RAD54B: variants seen among roughly 807,000 people sequenced by gnomAD.
The protein encoded by RAD54B is RAD54 homolog B, also known as DNA repair and recombination protein RAD54B.
In RAD54B, 78 loss-of-function variants were observed where a neutral mutation model predicts 95.8. The observed-to-expected ratio is 0.81, with a 90% CI of 0.68 to 0.98. The LOEUF (loss-of-function observed/expected upper bound fraction) is 0.98, where lower values mean the gene tolerates loss of function less well. Among genes scored for constraint, RAD54B ranks in the 50% least tolerant of loss-of-function variants. The pLI, the probability that RAD54B is intolerant of heterozygous loss-of-function variation, is 0.00. For missense variants in RAD54B, 957 were observed against 1,056.6 expected (o/e 0.91, Z 1.31); for synonymous variants, 328 against 354.9 (o/e 0.92, Z 0.85).
At chr8:94,372,418 T>C (rs1236498642) in intron 14 of RAD54B, 31 bp from the exon 15 acceptor site, 1 of 1,606,646 alleles carries the variant, frequency 6.2e-7, no homozygotes, top group Non-Finnish European at 8.5e-7. Context: ...AGAAAATCCT[T>C]AGGCAAGCCA....
chr8:94,381,550 A>T (rs1810741469), intron 11 of RAD54B, among the ~76,000 whole-genome samples: 1 of 152,248 alleles, frequency 6.6e-6, no homozygotes, highest in African/African-American at 2.4e-5. Flanking sequence ...AAAATAATTT[A>T]TGTCCTCAAA....
Position 94,399,576 on chromosome 8 carries a change from G to T in RAD54B, c.1216C>A (p.Leu406Ile). ...AGTAACATTTCATAACTGATAATAAGAACAGAATAAAATATAGACTTGATG... is the reference window on the plus strand; with the variant it reads ...AGTAACATTTCATAACTGATAATAATAACAGAATAAAATATAGACTTGATG... ...EFIKSIFYSVLIISYEMLLRS... is the reference protein window; with the variant it reads ...EFIKSIFYSVIIISYEMLLRS... Residue 406 changes from leucine to isoleucine, a missense_variant, in exon 8 of 15, where the codon CTT becomes ATT. Transcript: ENST00000336148. 6.2e-7 allele frequency: 1 copy of T among 1,612,382 alleles called. No individual in the cohort carries two copies. Among genetic ancestry groups the T allele is most frequent in the Non-Finnish European group, 8.5e-7 (1 of 1,179,264 alleles).
At chr8:94,416,312 A>G (rs1486831328) in intron 3 of RAD54B, among the ~76,000 whole-genome samples, 1 of 152,020 alleles carries the variant, frequency 6.6e-6, no homozygotes, top group Non-Finnish European at 1.5e-5. Flanking sequence ...TGGGAATTGA[A>G]CAATGAGAAC....
At chr8:94,384,150 T>TA (rs959591967) in intron 11 of RAD54B, among the ~76,000 whole-genome samples, 6 of 150,618 alleles carry the variant, frequency 4.0e-5, no homozygotes, top group East Asian at 3.9e-4. Flanking sequence ...ATCTATAAAT[T>TA]AAAAAAAAAG....
chr8:94,426,265 T>TA (rs551332612), intron 3 of RAD54B, among the ~76,000 whole-genome samples: 18,233 of 133,712 alleles, frequency 0.14, 1,915 homozygotes, highest in East Asian at 0.34. Flanking sequence ...TTGCAAAAAT[T>TA]AAAAAAAAAA....
At chr8:94,436,851 T>A in intron 3 of RAD54B, 1 of 1,531,914 alleles carries the variant, frequency 6.5e-7, no homozygotes, top group Non-Finnish European at 8.8e-7. Flanking sequence ...AATTGGAAGA[T>A]CTAGCCTTTC....
chr8:94,464,049 AATTGTGGTAT>A (rs1288116484), intron 2 of RAD54B, among the ~76,000 whole-genome samples: 110 of 152,244 alleles, frequency 7.2e-4, no homozygotes, highest in African/African-American at 2.5e-3. Flanking sequence ...TAGATATATA[AATTGTGGTAT>A]ATTAAAACAA....
chr8:94,423,681 G>A (rs183393572), intron 3 of RAD54B, among the ~76,000 whole-genome samples: 117 of 152,238 alleles, frequency 7.7e-4, no homozygotes, highest in African/African-American at 2.5e-3. Context: ...TACCAAGCCC[G>A]ATCTTCCCAG....
At position 94,471,295 on chromosome 8, in the gene RAD54B, G is replaced by A. The variant is rs950580429; in HGVS notation, c.-17+3706C>T. Among the ~76,000 whole-genome samples, 4 of 151,860 alleles carry A rather than the reference G, an allele frequency of 2.6e-5. No individual in the cohort carries two copies. The East Asian group carries it at 5.8e-4, about 22-fold the overall frequency. ...GGGGGGGGCAGTACTTTAAAAAAATGTTTAATGACAAGAGAAATATGTTTT... is the reference window on the plus strand; with the variant it reads ...GGGGGGGGCAGTACTTTAAAAAAATATTTAATGACAAGAGAAATATGTTTT... On this transcript the variant is annotated intron_variant, in intron 1 of 14. Coordinates refer to ENST00000336148, the MANE Select transcript of RAD54B (RefSeq NM_012415.3).
intron 14 of RAD54B, among the ~76,000 whole-genome samples, chr8:94,372,708 C>A (rs892940961): frequency 1.3e-4 from 20 of 152,078 alleles, no homozygotes; most frequent in African/African-American, 3.6e-4. Context: ...TTCCTAAAAC[C>A]TGTGGGGCCA....
At chr8:94,410,761 T>C (rs1451585160) in intron 4 of RAD54B, among the ~76,000 whole-genome samples, 1 of 152,150 alleles carries the variant, frequency 6.6e-6, no homozygotes, top group Non-Finnish European at 1.5e-5. Context: ...TATCAACATA[T>C]TTTTCAATTT....
At chr8:94,415,041 A>T (rs1388243285) in intron 3 of RAD54B, among the ~76,000 whole-genome samples, 2 of 151,834 alleles carry the variant, frequency 1.3e-5, no homozygotes, top group African/African-American at 2.4e-5. Flanking sequence ...GGAACCAAAA[A>T]AGAGCCCGCA....
chr8:94,450,095 A>G lies in RAD54B; in HGVS notation c.304+8173T>C, dbSNP rs141275055. Among the ~76,000 whole-genome samples the G allele has an allele frequency of 9.8e-5, 15 of 152,322 alleles. No homozygotes were observed. In the East Asian group the frequency reaches 2.9e-3, roughly 29 times the overall value. On this transcript the variant is annotated intron_variant, in intron 3 of 14. Coordinates refer to ENST00000336148, the MANE Select transcript of RAD54B (RefSeq NM_012415.3). ...CTTCATAAAAGAGCCCTAAAGGACA[A>G]AGGATGATCTCCTCAAAACTCAATT...
At position 94,400,352 on chromosome 8, in the gene RAD54B, C is replaced by G. The variant is rs1047760645; in HGVS notation, c.1056G>C (p.Lys352Asn). The G allele has an allele frequency of 1.2e-6, 2 of 1,613,824 alleles. No homozygotes were observed. The highest frequency in any genetic ancestry group is 2.2e-5 in the South Asian group (2 of 91,072). ...CAATTAGTGTCTTCTTTATTACTGG[C>G]TTGCCTCCATAGGGTCCCTGACACT... ...TLQCQGPYGG[K>N]PVIKKTLIVT... is the part of the protein sequence containing the mutation. The change falls in exon 7 of 15, where the codon AAG becomes AAC. Residue 352 changes from lysine to asparagine, a missense_variant. Transcript: ENST00000336148.
At chr8:94,389,225 G>A (rs140068338) in intron 10 of RAD54B, among the ~76,000 whole-genome samples, 1,538 of 152,352 alleles carry the variant, frequency 0.01, 7 homozygotes, top group Non-Finnish European at 0.016. Flanking sequence ...AAAGTGCTGG[G>A]ATTATAGGCG....
intron 3 of RAD54B, chr8:94,428,237 C>A (rs1811993391): frequency 1.1e-6 from 1 of 918,874 alleles, no homozygotes; most frequent in Non-Finnish European, 1.3e-6. Flanking sequence ...ATCAAGTCTA[C>A]ATTTAAAAAA....
At chr8:94,449,669 C>G (rs1812609788) in intron 3 of RAD54B, among the ~76,000 whole-genome samples, 1 of 151,352 alleles carries the variant, frequency 6.6e-6, no homozygotes, top group Non-Finnish European at 1.5e-5. Flanking sequence ...GATAACCCAA[C>G]CTCCTAGAAA....
chr8:94,394,799 G>A (rs1811104229), intron 8 of RAD54B, among the ~76,000 whole-genome samples: 1 of 152,130 alleles, frequency 6.6e-6, no homozygotes, highest in Non-Finnish European at 1.5e-5. Flanking sequence ...TATAAATAAT[G>A]TGAAAAGTAA....
chr8:94,376,186 C>T (rs1002323237), intron 14 of RAD54B, among the ~76,000 whole-genome samples: 1 of 152,138 alleles, frequency 6.6e-6, no homozygotes, highest in Non-Finnish European at 1.5e-5. Flanking sequence ...TACCCCAAGT[C>T]TCTATAATTA....
Sources: gnomAD v4.1 joint callset for allele counts (sites outside exome capture counted in the v4.1 genomes callset) on GRCh38, gnomAD v4.1.1 for gene constraint, MANE v1.5 for transcripts, NCBI Gene and HGNC (gene_info 2026-07-23, HGNC 2026-07-21) for gene names.